The following ADRA1B variants were observed in gnomAD, a reference collection of about 807,000 sequenced individuals.
The protein encoded by ADRA1B is alpha-1B adrenergic receptor.
A neutral mutation model predicts 17.9 loss-of-function variants in ADRA1B; 17 were observed. The ratio of observed to expected loss-of-function variants is 0.95; its 90% CI spans 0.65 to 1.42. The LOEUF (loss-of-function observed/expected upper bound fraction) is 1.42, where lower values mean the gene tolerates loss of function less well. Among genes scored for constraint, ADRA1B ranks in the 40% most tolerant of loss-of-function variants. The pLI is 0.00. For missense variants in ADRA1B, 681 were observed against 722.1 expected (o/e 0.94, Z 0.65); for synonymous variants, 366 against 327.6 (o/e 1.12, Z -1.27).
At chr5:159,906,680 C>T (rs1754165544) in intron 1 of ADRA1B, among the ~76,000 whole-genome samples, 1 of 152,156 alleles carries the variant, frequency 6.6e-6, no homozygotes, top group African/African-American at 2.4e-5. Flanking sequence ...ATTCCAGGCT[C>T]TTGATGGAGC....
intron 1 of ADRA1B, among the ~76,000 whole-genome samples, chr5:159,886,994 A>ATGG (rs1307500398): frequency 6.6e-6 from 1 of 152,196 alleles, no homozygotes; most frequent in African/African-American, 2.4e-5. Flanking sequence ...GATGATGATG[A>ATGG]TGATCATGAT....
chr5:159,880,475 T>C (rs982798444), intron 1 of ADRA1B, among the ~76,000 whole-genome samples: 4 of 152,214 alleles, frequency 2.6e-5, no homozygotes, highest in Non-Finnish European at 2.9e-5. Context: ...GGACCCAAGA[T>C]GAAATGTGAA....
chr5:159,968,142 A>C (rs1374563433), intron 1 of ADRA1B, among the ~76,000 whole-genome samples: 1 of 152,162 alleles, frequency 6.6e-6, no homozygotes, highest in Non-Finnish European at 1.5e-5. Flanking sequence ...ATGAACGAAC[A>C]AATGAATGGA....
the ADRA1B span, among the ~76,000 whole-genome samples, chr5:159,984,345 A>G: frequency 6.6e-6 from 1 of 152,098 alleles, no homozygotes; most frequent in Non-Finnish European, 1.5e-5. Flanking sequence ...CCCCCATCTC[A>G]GGAAATGGAC....
intron 1 of ADRA1B, among the ~76,000 whole-genome samples, chr5:159,953,379 A>T (rs987023946): frequency 2.0e-5 from 3 of 152,182 alleles, no homozygotes; most frequent in African/African-American, 4.8e-5. Flanking sequence ...AAATAAAAAA[A>T]AAGATAGTGG....
the ADRA1B span, among the ~76,000 whole-genome samples, chr5:159,981,363 G>A: frequency 2.0e-5 from 3 of 152,014 alleles, no homozygotes; most frequent in Non-Finnish European, 4.4e-5. Flanking sequence ...AATGCCTCCC[G>A]GGGGGTAAAA....
At chr5:159,905,747 T>A (rs1041355102) in intron 1 of ADRA1B, among the ~76,000 whole-genome samples, 1 of 152,198 alleles carries the variant, frequency 6.6e-6, no homozygotes, top group East Asian at 1.9e-4. Flanking sequence ...GAACCTTGCC[T>A]AGACTGAGTG....
chr5:159,964,707 C>A (rs1028846852), intron 1 of ADRA1B, among the ~76,000 whole-genome samples: 1 of 152,134 alleles, frequency 6.6e-6, no homozygotes, highest in African/African-American at 2.4e-5. Context: ...TCAGGAACCA[C>A]GTGGAGACCA....
chr5:159,935,062 G>A (rs1754918199), intron 1 of ADRA1B, among the ~76,000 whole-genome samples: 1 of 152,124 alleles, frequency 6.6e-6, no homozygotes, highest in African/African-American at 2.4e-5. Context: ...CCACTTCAGA[G>A]GAGATATTTA....
At chr5:159,969,815 A>T (rs1269195561) in intron 1 of ADRA1B, among the ~76,000 whole-genome samples, 1 of 152,270 alleles carries the variant, frequency 6.6e-6, no homozygotes, top group Non-Finnish European at 1.5e-5. Flanking sequence ...CTGAAAGTAT[A>T]CACACCAAAA....
chr5:159,926,334 G>T (rs944262854), intron 1 of ADRA1B, among the ~76,000 whole-genome samples: 8 of 151,952 alleles, frequency 5.3e-5, no homozygotes, highest in African/African-American at 1.7e-4. Flanking sequence ...TTTATCCCTG[G>T]TTTATGGTGC....
At chr5:159,930,959 T>G (rs1171984977) in intron 1 of ADRA1B, among the ~76,000 whole-genome samples, 1 of 148,442 alleles carries the variant, frequency 6.7e-6, no homozygotes, top group Non-Finnish European at 1.5e-5. Flanking sequence ...TTGTTCTTAG[T>G]CATTTTCAAT....
At chr5:159,961,754 T>A (rs1755667479) in intron 1 of ADRA1B, among the ~76,000 whole-genome samples, 1 of 152,186 alleles carries the variant, frequency 6.6e-6, no homozygotes, top group Non-Finnish European at 1.5e-5. Context: ...GTGAAATAAA[T>A]CAAATCAAAT....
intron 1 of ADRA1B, among the ~76,000 whole-genome samples, chr5:159,879,568 G>T (rs1210153101): frequency 6.6e-6 from 1 of 152,156 alleles, no homozygotes; most frequent in Non-Finnish European, 1.5e-5. Context: ...CTTAATTATG[G>T]GGAGGGGGGA....
In ADRA1B at chr5:159,968,216, C is replaced by G. The variant is rs982911265; in HGVS notation, c.950-3663C>G. 6.6e-5 allele frequency among the ~76,000 whole-genome samples: 10 copies of G among 152,040 alleles called. No individual in the cohort carries two copies. In the East Asian group the frequency reaches 1.9e-3, roughly 29 times the overall value. On this transcript the variant is annotated intron_variant, in intron 1 of 1. Coordinates refer to ENST00000306675, the MANE Select transcript of ADRA1B (RefSeq NM_000679.4). ...GTCTCTTGATCCAAAAAAATGGGAC[C>G]AACAATAGTACCTTCCTCACTGGTA...
At chr5:159,889,598 C>T (rs1015152869) in intron 1 of ADRA1B, among the ~76,000 whole-genome samples, 5 of 152,128 alleles carry the variant, frequency 3.3e-5, no homozygotes, top group Non-Finnish European at 4.4e-5. Flanking sequence ...ATCCTGATGG[C>T]GAAGTAGCCA....
intron 1 of ADRA1B, among the ~76,000 whole-genome samples, chr5:159,876,224 T>C (rs1753801062): frequency 6.6e-6 from 1 of 152,170 alleles, no homozygotes; most frequent in African/African-American, 2.4e-5. Context: ...GGACTTTTAT[T>C]ACTTCATTTT....
At chr5:159,939,328 C>T (rs1011659805) in intron 1 of ADRA1B, among the ~76,000 whole-genome samples, 3 of 124,066 alleles carry the variant, frequency 2.4e-5, no homozygotes, top group East Asian at 2.1e-4. Flanking sequence ...TGTGTGCGCG[C>T]GCGCGCGCAC....
At position 159,972,536 on chromosome 5, in the gene ADRA1B, T is replaced by TCG. The variant is rs1581075358; in HGVS notation, c.*44_*45insCG. On this transcript the variant is annotated 3_prime_UTR_variant, in exon 2 of 2. Transcript: ENST00000306675. Reference sequence around the variant, plus strand: ...TCTTTCCCTGGGGAGGAAAACATCGTGGGGGGGAGGGGAGGGCGGGGCGGA... The same window carrying TCG: ...TCTTTCCCTGGGGAGGAAAACATCGTCGGGGGGGGAGGGGAGGGCGGGGCGGA... 1 of 29,244 alleles carries TCG rather than the reference T, an allele frequency of 3.4e-5. No individual in the cohort carries two copies. The highest frequency in any genetic ancestry group is 3.9e-4 in the East Asian group (1 of 2,542). 1.8% of individuals were successfully genotyped at this position (29,244 alleles called of 1,614,324 possible).
Sources: gnomAD v4.1 joint callset for allele counts (sites outside exome capture counted in the v4.1 genomes callset) on GRCh38, gnomAD v4.1.1 for gene constraint, MANE v1.5 for transcripts, NCBI Gene and HGNC (gene_info 2026-07-23, HGNC 2026-07-21) for gene names.